Variants in CDH13 observed in about 807,000 individuals in gnomAD.
CDH13 encodes the protein cadherin-13.
CDH13 carries 24 observed loss-of-function variants against 63.8 expected under a neutral mutation model. The ratio of observed to expected loss-of-function variants is 0.38; its 90% CI spans 0.27 to 0.53. The LOEUF (loss-of-function observed/expected upper bound fraction) is 0.53, where lower values mean the gene tolerates loss of function less well. Ranked by LOEUF, CDH13 falls within the 20% of genes least tolerant of loss-of-function variation. The pLI is 0.85. For missense variants in CDH13, 1,049 were observed against 903.1 expected (o/e 1.16, Z -2.07); for synonymous variants, 503 against 355.3 (o/e 1.42, Z -4.67).
chr16:82,689,182 A>G (rs558823588), intron 1 of CDH13, among the ~76,000 whole-genome samples: 41 of 143,296 alleles, frequency 2.9e-4, no homozygotes, highest in Non-Finnish European at 5.3e-4. Context: ...TTTTTTTTTC[A>G]AGATAAAACC....
intron 6 of CDH13, among the ~76,000 whole-genome samples, chr16:83,448,938 C>T (rs1433988137): frequency 3.3e-5 from 5 of 152,098 alleles, no homozygotes; most frequent in Admixed American, 6.5e-5. Flanking sequence ...CAGGATTCTT[C>T]GTATGGAGAC....
At chr16:82,991,942 G>C (rs912698924) in intron 2 of CDH13, among the ~76,000 whole-genome samples, 4 of 152,104 alleles carry the variant, frequency 2.6e-5, no homozygotes, top group Admixed American at 6.6e-5. Context: ...TCAAAAAGAA[G>C]GTAGTGAATG....
intron 7 of CDH13, among the ~76,000 whole-genome samples, chr16:83,573,245 C>A (rs939221326): frequency 2.6e-5 from 4 of 152,098 alleles, no homozygotes; most frequent in Admixed American, 2.6e-4. Flanking sequence ...TATGTGGCTT[C>A]CAACAAGTGA....
chr16:82,772,618 G>A (rs2035315379), intron 1 of CDH13, among the ~76,000 whole-genome samples: 1 of 152,216 alleles, frequency 6.6e-6, no homozygotes, highest in South Asian at 2.1e-4. Context: ...TGCACTGCCA[G>A]GCACTGAGCT....
At chr16:82,820,116 C>T (rs2037932880) in intron 1 of CDH13, among the ~76,000 whole-genome samples, 1 of 152,146 alleles carries the variant, frequency 6.6e-6, no homozygotes, top group Non-Finnish European at 1.5e-5. Context: ...ATCTTTAAAA[C>T]AGGGATAAGG....
chr16:83,047,106 C>G lies in CDH13; in HGVS notation c.366+14888C>G, dbSNP rs1917861355. ...TTTGACAGCAACTTTTTACAACTTCCTTCCTTTGAAGATATAAAGCTTTAA... is the reference window on the plus strand; with the variant it reads ...TTTGACAGCAACTTTTTACAACTTCGTTCCTTTGAAGATATAAAGCTTTAA... On this transcript the variant is annotated intron_variant, in intron 3 of 13. Coordinates refer to ENST00000567109, the MANE Select transcript of CDH13 (RefSeq NM_001257.5). This position sits in a 1 kb window ranked among gnomAD's most constrained non-coding sequence, Gnocchi z 4.9. 6.6e-6 allele frequency among the ~76,000 whole-genome samples: 1 copy of G among 152,168 alleles called. No homozygotes were observed. The highest frequency in any genetic ancestry group is 2.1e-4 in the South Asian group (1 of 4,832).
chr16:82,641,151 G>C (rs557062710), intron 1 of CDH13, among the ~76,000 whole-genome samples: 1 of 152,150 alleles, frequency 6.6e-6, no homozygotes, highest in Non-Finnish European at 1.5e-5. Flanking sequence ...GCTCATTTCC[G>C]AATGGTCCCT....
intron 13 of CDH13, among the ~76,000 whole-genome samples, chr16:83,789,540 G>A (rs1008733188): frequency 6.6e-6 from 1 of 151,796 alleles, no homozygotes; most frequent in South Asian, 2.1e-4. Flanking sequence ...GTAGAGACAG[G>A]GTTTCGCCAT....
At chr16:83,334,443 C>A (rs747716986) in intron 5 of CDH13, among the ~76,000 whole-genome samples, 2 of 150,732 alleles carry the variant, frequency 1.3e-5, no homozygotes, top group African/African-American at 4.9e-5. Context: ...ACAATCACAG[C>A]TCCCTGCAGC....
intron 7 of CDH13, among the ~76,000 whole-genome samples, chr16:83,559,711 A>G (rs904446247): frequency 6.6e-6 from 1 of 152,116 alleles, no homozygotes; most frequent in African/African-American, 2.4e-5. Context: ...CCCATTTTTC[A>G]CCTTAATTCT....
chr16:83,315,014 C>T (rs776771971), intron 5 of CDH13, among the ~76,000 whole-genome samples: 1 of 152,168 alleles, frequency 6.6e-6, no homozygotes, highest in Non-Finnish European at 1.5e-5. Context: ...CCCTGTGTGA[C>T]TTTGGACAAG....
intron 6 of CDH13, among the ~76,000 whole-genome samples, chr16:83,458,125 G>A (rs1040618906): frequency 1.3e-5 from 2 of 152,076 alleles, no homozygotes; most frequent in African/African-American, 4.8e-5. Flanking sequence ...GAAACCCCAG[G>A]GCTTTCCTCG....
intron 6 of CDH13, among the ~76,000 whole-genome samples, chr16:83,400,250 C>T (rs1306446263): frequency 6.6e-6 from 1 of 152,058 alleles, no homozygotes; most frequent in African/African-American, 2.4e-5. Flanking sequence ...GTCTATGTGG[C>T]TGCCCTTTCT....
intron 4 of CDH13, among the ~76,000 whole-genome samples, chr16:83,179,494 A>AAAAAAG (rs1363970114): frequency 6.7e-6 from 1 of 148,532 alleles, no homozygotes; most frequent in African/African-American, 2.5e-5. Flanking sequence ...AAAAAAAAAA[A>AAAAAAG]AAAAAAAATT....
intron 1 of CDH13, among the ~76,000 whole-genome samples, chr16:82,655,915 A>T (rs1911240970): frequency 6.6e-6 from 1 of 152,162 alleles, no homozygotes; most frequent in South Asian, 2.1e-4. Context: ...TTTAGTGGGC[A>T]CCTGCTATGT....
rs147031595 is a variant in CDH13, at chr16:82,702,803, C to T, written c.45+75666C>T. Among the ~76,000 whole-genome samples the T allele has an allele frequency of 7.9e-4, 120 of 152,260 alleles. 1 individual carries two copies. The highest frequency in any genetic ancestry group is 2.7e-3 in the African/African-American group (112 of 41,550). On this transcript the variant is annotated intron_variant, in intron 1 of 13. Coordinates refer to ENST00000567109, the MANE Select transcript of CDH13 (RefSeq NM_001257.5). The stretch of plus-strand genomic sequence containing the variant: ...TCCTCTGCCTGGAACCCTGTGGCCC[C>T]CAGGGTTCAGCTCCCTGGTGCCTCA...
At position 82,906,255 on chromosome 16, in the gene CDH13, A is replaced by C. The variant is rs572575823; in HGVS notation, c.157+47782A>C. 2.0e-5 allele frequency among the ~76,000 whole-genome samples: 3 copies of C among 152,308 alleles called. No homozygotes were observed. In the East Asian group the frequency reaches 5.8e-4, roughly 29 times the overall value. On this transcript the variant is annotated intron_variant, in intron 2 of 13. Transcript: ENST00000567109. ...CCCTTTACTAGAAGGTTGATAGATT[A>C]ATAATCTCCCCACTAAGCTTATAGC...
chr16:83,433,949 G>GA (rs1267019626), intron 6 of CDH13, among the ~76,000 whole-genome samples: 6 of 152,052 alleles, frequency 3.9e-5, no homozygotes, highest in African/African-American at 9.7e-5. Flanking sequence ...CGTTGGGGGG[G>GA]AATCAATCTT....
intron 3 of CDH13, among the ~76,000 whole-genome samples, chr16:83,107,905 C>T (rs374812232): frequency 4.0e-5 from 6 of 150,840 alleles, no homozygotes; most frequent in Non-Finnish European, 5.9e-5. Flanking sequence ...CTGCAACATC[C>T]GCCTGCTGGA....
Sources: allele counts gnomAD v4.1 joint callset (sites outside exome capture counted in the v4.1 genomes callset), GRCh38; gene constraint gnomAD v4.1.1; non-coding constraint Gnocchi (gnomAD v3.1); transcripts MANE v1.5; gene names NCBI Gene and HGNC (gene_info 2026-07-23, HGNC 2026-07-21).